Variants in WDR59 observed in about 807,000 individuals in gnomAD.
The protein encoded by WDR59 is GATOR2 complex protein WDR59.
WDR59 carries 100 observed loss-of-function variants against 131.2 expected under a neutral mutation model. That is an observed-to-expected ratio of 0.76 (90% confidence interval 0.65 to 0.90). WDR59 has a LOEUF of 0.90. WDR59 is among the 40% of genes least tolerant of loss of function. WDR59 has a pLI of 0.00. For synonymous variants in WDR59, 601 were observed against 466.2 expected (o/e 1.29, Z -3.72); for missense variants, 1,203 against 1,262.2 (o/e 0.95, Z 0.71).
At chr16:74,944,356 C>T (rs1197649519) in intron 6 of WDR59, among the ~76,000 whole-genome samples, 3 of 151,510 alleles carry the variant, frequency 2.0e-5, no homozygotes, top group Admixed American at 2.0e-4. Context: ...ATCCCAGCTA[C>T]TTGGGAGACT....
intron 18 of WDR59, chr16:74,899,844 C>T: frequency 7.2e-6 from 7 of 967,846 alleles, no homozygotes; most frequent in Non-Finnish European, 1.0e-5. Context: ...GAAAGCTTCC[C>T]ACACATCCGA....
At chr16:74,946,003 G>C (rs1050299278) in intron 6 of WDR59, among the ~76,000 whole-genome samples, 2 of 151,918 alleles carry the variant, frequency 1.3e-5, no homozygotes, top group South Asian at 2.1e-4. Context: ...TTTTAGTAGA[G>C]ACGGGGTTTC....
At chr16:74,936,359 C>T (rs1156520723) in intron 8 of WDR59, among the ~76,000 whole-genome samples, 1 of 151,864 alleles carries the variant, frequency 6.6e-6, no homozygotes, top group Non-Finnish European at 1.5e-5. Flanking sequence ...TAAAGTCCTC[C>T]CAGGAAACTG....
At chr16:74,897,044 C>G (rs1965330738) in intron 18 of WDR59, among the ~76,000 whole-genome samples, 1 of 152,174 alleles carries the variant, frequency 6.6e-6, no homozygotes, top group African/African-American at 2.4e-5. Context: ...ATTCTAAGCT[C>G]CCTGTTAATA....
intron 8 of WDR59, among the ~76,000 whole-genome samples, chr16:74,926,707 T>C (rs1171506391): frequency 6.6e-6 from 1 of 152,214 alleles, no homozygotes; most frequent in Non-Finnish European, 1.5e-5. Context: ...TTTACATTGT[T>C]TTAGAGCAAA....
intron 18 of WDR59, among the ~76,000 whole-genome samples, chr16:74,903,491 T>TA (rs11402420): frequency 0.62 from 92,322 of 148,390 alleles, 28,497 homozygotes; most frequent in South Asian, 0.72. Flanking sequence ...AGACTTAGTA[T>TA]AAAAAAAAAA....
chr16:74,934,389 G>C (rs1432912909), intron 8 of WDR59, among the ~76,000 whole-genome samples: 1 of 152,030 alleles, frequency 6.6e-6, no homozygotes, highest in Non-Finnish European at 1.5e-5. Context: ...CAATTTATGG[G>C]ATTAATTAGA....
chr16:74,973,527 T>C (rs1450185745), intron 1 of WDR59, among the ~76,000 whole-genome samples: 2 of 149,676 alleles, frequency 1.3e-5, no homozygotes, highest in Non-Finnish European at 2.9e-5. Context: ...GCTCAAGTGA[T>C]GCACCGGCCC....
At chr16:74,891,088 G>C (rs987229733) in intron 20 of WDR59, among the ~76,000 whole-genome samples, 1 of 150,390 alleles carries the variant, frequency 6.6e-6, no homozygotes, top group Non-Finnish European at 1.5e-5. Context: ...ACTCCAGCCT[G>C]GGCGACAGAG....
chr16:74,882,898 G>A (rs1460952898), intron 25 of WDR59, among the ~76,000 whole-genome samples: 1 of 149,120 alleles, frequency 6.7e-6, no homozygotes. Flanking sequence ...ACTTAAAAGA[G>A]TCAAATCATT....
At chr16:74,921,854 A>C (rs912423646) in intron 10 of WDR59, 93 bp downstream of exon 10, 8 of 1,461,054 alleles carry the variant, frequency 5.5e-6, no homozygotes, top group African/African-American at 1.4e-5. Context: ...AGCTCTCTCT[A>C]TGTCTTCTTT....
chr16:74,943,240 C>CTTT (rs3064646), intron 6 of WDR59, among the ~76,000 whole-genome samples: 92 of 146,656 alleles, frequency 6.3e-4, no homozygotes, highest in African/African-American at 2.2e-3. Flanking sequence ...TGCCTGCCCC[C>CTTT]TTTTTTTTTT....
chr16:74,939,234 C>T (rs1417052699), intron 7 of WDR59, among the ~76,000 whole-genome samples: 1 of 152,044 alleles, frequency 6.6e-6, no homozygotes, highest in Non-Finnish European at 1.5e-5. Flanking sequence ...AGCCACTTTT[C>T]CCAGCCCAAA....
chr16:74,937,602 A>G (rs150431092), intron 8 of WDR59, among the ~76,000 whole-genome samples: 2,617 of 152,224 alleles, frequency 0.017, 77 homozygotes, highest in African/African-American at 0.06. Context: ...CCCAGGTTCA[A>G]GCGATTCTTG....
intron 10 of WDR59, 132 bp from the exon 11 acceptor site, chr16:74,918,140 T>A: frequency 1.3e-6 from 1 of 782,728 alleles, no homozygotes; most frequent in Non-Finnish European, 2.1e-6. Context: ...TGCCAGGCAC[T>A]ATTCTAGGTA....
chr16:74,912,934 G>T (rs962921546), intron 13 of WDR59, among the ~76,000 whole-genome samples: 1 of 152,214 alleles, frequency 6.6e-6, no homozygotes, highest in Non-Finnish European at 1.5e-5. Context: ...TTTCTGCCCT[G>T]GGTGGGCCAG....
chr16:74,928,139 A>G (rs1360750735), intron 8 of WDR59, among the ~76,000 whole-genome samples: 2 of 150,256 alleles, frequency 1.3e-5, no homozygotes, highest in African/African-American at 4.9e-5. Flanking sequence ...ATCTCTTGAC[A>G]TCGTGATCCA....
At chr16:74,983,582 A>G (rs1567452292) in intron 1 of WDR59, among the ~76,000 whole-genome samples, 2 of 152,178 alleles carry the variant, frequency 1.3e-5, no homozygotes, top group South Asian at 4.1e-4. Flanking sequence ...CACTATGAGT[A>G]AAGTAGTCCA....
intron 1 of WDR59, among the ~76,000 whole-genome samples, chr16:74,980,111 G>A (rs570437567): frequency 4.7e-5 from 7 of 150,232 alleles, no homozygotes; most frequent in South Asian, 2.1e-4. Flanking sequence ...CACCTGCCTC[G>A]GCCTCCCAAA....
Sources: allele counts gnomAD v4.1 joint callset (sites outside exome capture counted in the v4.1 genomes callset), GRCh38; gene constraint gnomAD v4.1.1; transcripts MANE v1.5; gene names NCBI Gene and HGNC (gene_info 2026-07-23, HGNC 2026-07-21).